EDIL3: variants seen among roughly 807,000 people sequenced by gnomAD.
EDIL3 encodes EGF-like repeat and discoidin I-like domain-containing protein 3.
In EDIL3, 37 loss-of-function variants were observed where a neutral mutation model predicts 67.4. The observed-to-expected ratio is 0.55, with a 90% confidence interval of 0.42 to 0.72. The LOEUF is 0.72. Among genes scored for constraint, EDIL3 ranks in the 30% least tolerant of loss-of-function variants. EDIL3 has a pLI of 0.00. For missense variants in EDIL3, 527 were observed against 586.3 expected, an observed-to-expected ratio of 0.90 and a Z score of 1.04; for synonymous variants, 195 against 196.3, an observed-to-expected ratio of 0.99 and a Z score of 0.05.
intron 1 of EDIL3, among the ~76,000 whole-genome samples, chr5:84,284,941 GA>G (rs1390016623): frequency 4.6e-5 from 7 of 152,110 alleles, no homozygotes; most frequent in African/African-American, 1.7e-4. Context: ...CATTTTCAGT[GA>G]CATTCTGTGA....
At chr5:84,294,094 T>C (rs1745983796) in intron 1 of EDIL3, among the ~76,000 whole-genome samples, 1 of 151,720 alleles carries the variant, frequency 6.6e-6, no homozygotes, top group Non-Finnish European at 1.5e-5. Context: ...ATAAATTAAG[T>C]CATCATCGGC....
intron 4 of EDIL3, among the ~76,000 whole-genome samples, chr5:84,141,120 C>T (rs1461139345): frequency 6.6e-6 from 1 of 151,836 alleles, no homozygotes; most frequent in East Asian, 1.9e-4. Context: ...GAAAAAAGTC[C>T]ACATCCATTC....
chr5:84,373,504 T>A (rs1348954124), intron 1 of EDIL3, among the ~76,000 whole-genome samples: 1 of 152,164 alleles, frequency 6.6e-6, no homozygotes, highest in Admixed American at 6.5e-5. Flanking sequence ...CCTTCCAGGA[T>A]CTATAGATGC....
chr5:83,994,788 T>C (rs1745209497), intron 9 of EDIL3, among the ~76,000 whole-genome samples: 1 of 152,206 alleles, frequency 6.6e-6, no homozygotes, highest in African/African-American at 2.4e-5. Flanking sequence ...AGGAAACTTG[T>C]TTCCCATTGG....
intron 1 of EDIL3, among the ~76,000 whole-genome samples, chr5:84,349,900 C>T (rs1311145793): frequency 6.6e-6 from 1 of 152,056 alleles, no homozygotes; most frequent in East Asian, 1.9e-4. Context: ...TTACTATGTG[C>T]CAGCAACTGT....
intron 1 of EDIL3, among the ~76,000 whole-genome samples, chr5:84,300,133 A>T (rs1253594644): frequency 1.3e-5 from 2 of 152,216 alleles, no homozygotes; most frequent in Non-Finnish European, 2.9e-5. Context: ...GCAGGGCTGC[A>T]TTCCCTTCTG....
chr5:84,004,929 T>C (rs908897936), intron 9 of EDIL3, among the ~76,000 whole-genome samples: 6 of 152,002 alleles, frequency 3.9e-5, no homozygotes, highest in African/African-American at 1.4e-4. Context: ...ATAAGATTGA[T>C]AAAGTGCTAG....
At chr5:84,059,450 T>C (rs761761795) in intron 9 of EDIL3, among the ~76,000 whole-genome samples, 14 of 152,096 alleles carry the variant, frequency 9.2e-5, no homozygotes, top group Non-Finnish European at 1.6e-4. Context: ...AGAGGAACTA[T>C]TGCAAATTTC....
At chr5:84,015,857 T>C (rs1385274450) in intron 9 of EDIL3, among the ~76,000 whole-genome samples, 1 of 152,196 alleles carries the variant, frequency 6.6e-6, no homozygotes, top group Non-Finnish European at 1.5e-5. Context: ...CTTAGAGTTT[T>C]CACTTAGAAT....
chr5:84,260,605 T>G (rs914941482), intron 1 of EDIL3, among the ~76,000 whole-genome samples: 1 of 152,206 alleles, frequency 6.6e-6, no homozygotes, highest in African/African-American at 2.4e-5. Flanking sequence ...TGAATTTACA[T>G]GTTGAACTCT....
At chr5:84,371,471 AGAGAGAAAGAG>A (rs1561271769) in intron 1 of EDIL3, among the ~76,000 whole-genome samples, 27 of 148,130 alleles carry the variant, frequency 1.8e-4, no homozygotes, top group African/African-American at 5.7e-4. Context: ...AGAGAGAGAG[AGAGAGAAAGAG>A]AGAGAGAGAG....
intron 2 of EDIL3, among the ~76,000 whole-genome samples, chr5:84,237,867 C>G (rs1487620651): frequency 6.6e-6 from 1 of 151,920 alleles, no homozygotes. Flanking sequence ...ATAAAGTTAC[C>G]ATTAACAGAG....
chr5:84,254,286 C>A, intron 1 of EDIL3, 74 bp from the exon 2 acceptor site: 1 of 1,483,764 alleles, frequency 6.7e-7, no homozygotes, highest in Non-Finnish European at 9.0e-7. Flanking sequence ...GTTTACTTTG[C>A]TATGGATGTT....
At chr5:84,334,531 G>C (rs1746947227) in intron 1 of EDIL3, among the ~76,000 whole-genome samples, 1 of 151,952 alleles carries the variant, frequency 6.6e-6, no homozygotes, top group East Asian at 1.9e-4. Context: ...TCAGTGTTTG[G>C]CTTTCCATTT....
chr5:84,213,433 T>C (rs533242325), intron 3 of EDIL3, among the ~76,000 whole-genome samples: 82 of 152,360 alleles, frequency 5.4e-4, no homozygotes, highest in African/African-American at 2.0e-3. Flanking sequence ...AGTCTTAAGC[T>C]GTCCTTTAAA....
chr5:84,254,315 G>T, intron 1 of EDIL3, 103 bp from the exon 2 acceptor site: 1 of 1,301,122 alleles, frequency 7.7e-7, no homozygotes, highest in Non-Finnish European at 1.0e-6. Flanking sequence ...AAAGTCAAAA[G>T]TCAGGGTAAT....
intron 6 of EDIL3, among the ~76,000 whole-genome samples, chr5:84,068,799 G>C (rs546695625): frequency 6.6e-6 from 1 of 152,226 alleles, no homozygotes; most frequent in African/African-American, 2.4e-5. Context: ...ATTAAGCTTG[G>C]AAAATAATTC....
chr5:84,137,218 CAT>C lies in EDIL3; in HGVS notation c.469+21_469+22del, dbSNP rs112614231. 3.2e-4 allele frequency: 486 copies of C among 1,496,024 alleles called. 1 individual carries two copies. The East Asian group carries it at 7.1e-3, about 22-fold the overall frequency. 92.7% of individuals were successfully genotyped at this position (1,496,024 alleles called of 1,614,324 possible). On this transcript the variant is annotated intron_variant, in intron 5 of 10. Coordinates refer to ENST00000296591, the MANE Select transcript of EDIL3 (RefSeq NM_005711.5). ...ACACACACACACACACACACACACACATACACACACGTGAATACTTACTGTAT... is the reference window on the plus strand; with the variant it reads ...ACACACACACACACACACACACACACACACACACGTGAATACTTACTGTAT...
chr5:84,198,141 C>G (rs1743751989), intron 3 of EDIL3, among the ~76,000 whole-genome samples: 1 of 151,762 alleles, frequency 6.6e-6, no homozygotes, highest in Non-Finnish European at 1.5e-5. Flanking sequence ...CTAATGGTAC[C>G]AATCTCTGCA....
Sources: allele counts gnomAD v4.1 joint callset (sites outside exome capture counted in the v4.1 genomes callset), GRCh38; gene constraint gnomAD v4.1.1; transcripts MANE v1.5; gene names NCBI Gene and HGNC (gene_info 2026-07-23, HGNC 2026-07-21).